Variants in RAB3B observed in about 807,000 individuals in gnomAD.
The protein encoded by RAB3B is RAB3B, member RAS oncogene family.
Under a neutral mutation model 20.5 loss-of-function variants are expected in RAB3B, and 11 were observed. The ratio of observed to expected loss-of-function variants is 0.54; its 90% CI spans 0.34 to 0.89. The LOEUF (loss-of-function observed/expected upper bound fraction) is 0.89, where lower values mean the gene tolerates loss of function less well. Ranked by LOEUF, RAB3B falls within the 40% of genes least tolerant of loss-of-function variation. The probability of loss-of-function intolerance (pLI) is 0.02; values close to 1 mark genes in which losing one functional copy is unlikely to be tolerated. For missense variants in RAB3B, 225 were observed against 280.9 expected (o/e 0.80, Z 1.42); for synonymous variants, 99 against 106.3 (o/e 0.93, Z 0.42).
chr1:51,952,545 T>G (rs1684655026), intron 2 of RAB3B, among the ~76,000 whole-genome samples: 1 of 152,186 alleles, frequency 6.6e-6, no homozygotes, highest in Non-Finnish European at 1.5e-5. Context: ...CACTCTCACC[T>G]ATATCTCTCA....
intron 2 of RAB3B, among the ~76,000 whole-genome samples, chr1:51,968,845 T>A (rs1684890675): frequency 6.6e-6 from 1 of 152,224 alleles, no homozygotes; most frequent in African/African-American, 2.4e-5. Context: ...GACCTTGTTC[T>A]CAGTTCCTGT....
intron 2 of RAB3B, among the ~76,000 whole-genome samples, chr1:51,968,614 C>T (rs1417053471): frequency 6.6e-6 from 1 of 152,222 alleles, no homozygotes; most frequent in Non-Finnish European, 1.5e-5. Context: ...GATTACCTTT[C>T]CCACATTCCT....
In RAB3B at chr1:51,976,975, G is replaced by A. The variant is rs1199548768; in HGVS notation, c.143C>T (p.Thr48Ile). 15 of 1,614,210 alleles carry A rather than the reference G, an allele frequency of 9.3e-6. No homozygotes were observed. Among genetic ancestry groups the A allele is most frequent in the Non-Finnish European group, 1.3e-5 (15 of 1,180,044 alleles). ...GCCCACGGTGCTAACGAAGGCTGGG[G>A]TGAACGTGTCATCAGCATAGCGGAA... ...FLFRYADDTFTPAFVSTVGID... is the reference protein window; with the variant it reads ...FLFRYADDTFIPAFVSTVGID... The change falls in exon 2 of 5, where the codon ACC (threonine) becomes ATC (isoleucine). Residue 48 changes from threonine (T) to isoleucine (I), a missense_variant. By Grantham distance (89) the Thr-to-Ile change is moderately conservative. Transcript: ENST00000371655.
rs1429059376 is a variant in RAB3B, at chr1:51,919,650, C to G, written c.*277G>C. On this transcript the variant is annotated 3_prime_UTR_variant, in exon 5 of 5. Transcript: ENST00000371655. ...CAGAAAAGAGACTGTTCTCTAAGTC[C>G]CTGTAGTGAATCCCCTTCGTAAAAC... 6.0e-6 allele frequency: 2 copies of G among 334,710 alleles called. No homozygotes were observed. The highest frequency in any genetic ancestry group is 1.1e-5 in the Non-Finnish European group (2 of 183,750). The allele number at this position is 334,710 out of a possible 1,614,324, so 20.7% of individuals were successfully genotyped here.
intron 2 of RAB3B, among the ~76,000 whole-genome samples, chr1:51,960,578 T>C (rs1684771822): frequency 6.6e-6 from 1 of 152,118 alleles, no homozygotes. Context: ...GAAGGGATTA[T>C]AAATCCTCAG....
At chr1:51,984,300 A>T (rs1685125769) in intron 1 of RAB3B, among the ~76,000 whole-genome samples, 1 of 131,214 alleles carries the variant, frequency 7.6e-6, no homozygotes, top group Non-Finnish European at 1.6e-5. Context: ...AAAAAAAAGC[A>T]TGAACGAGAC....
At chr1:51,954,290 CTTATG>C (rs1244449530) in intron 2 of RAB3B, among the ~76,000 whole-genome samples, 1 of 152,168 alleles carries the variant, frequency 6.6e-6, no homozygotes, top group Non-Finnish European at 1.5e-5. Flanking sequence ...GTTAGCTACG[CTTATG>C]TTATAATGCT....
intron 4 of RAB3B, among the ~76,000 whole-genome samples, chr1:51,923,762 T>C (rs1486381600): frequency 6.7e-6 from 1 of 149,740 alleles, no homozygotes; most frequent in African/African-American, 2.5e-5. Context: ...GGCTAGGTGC[T>C]AGTGGCTCAA....
intron 2 of RAB3B, among the ~76,000 whole-genome samples, chr1:51,939,105 A>G (rs528539269): frequency 5.9e-5 from 9 of 152,248 alleles, no homozygotes; most frequent in Non-Finnish European, 1.3e-4. Flanking sequence ...ACACGTAAGC[A>G]AGCAACAAAG....
chr1:51,916,071 T>C lies in RAB3B; in HGVS notation c.*3856A>G, dbSNP rs1166048891. The stretch of plus-strand genomic sequence containing the variant: ...AGGACAAGTTGCCACTAACACATAT[T>C]ACACAGCTTGAACCTTGGTGGCTAA... On this transcript the variant is annotated 3_prime_UTR_variant, in exon 5 of 5. Transcript: ENST00000371655. 6.6e-6 allele frequency: 1 copy of C among 152,244 alleles called. No homozygotes were observed. Among genetic ancestry groups the C allele is most frequent in the Non-Finnish European group, 1.5e-5 (1 of 68,044 alleles). The allele number at this position is 152,244 out of a possible 1,614,324, so 9.4% of individuals were successfully genotyped here. A position where few individuals can be genotyped will look rare whatever the true frequency, so the allele number is the denominator to read the frequency against.
rs1683967571 is a variant in RAB3B, at chr1:51,909,455, A to C, written c.*10472T>G. Reference sequence around the variant, plus strand: ...AAGATCACACAGTTAGTATGCTGCAAAGTCAGGACTCAAACCCAGGTCTCT... The same window carrying C: ...AAGATCACACAGTTAGTATGCTGCACAGTCAGGACTCAAACCCAGGTCTCT... On this transcript the variant is annotated 3_prime_UTR_variant, in exon 5 of 5. Transcript: ENST00000371655. The C allele has an allele frequency of 6.6e-6, 1 of 152,166 alleles. No individual in the cohort carries two copies. The highest frequency in any genetic ancestry group is 2.4e-5 in the African/African-American group (1 of 41,436). The allele number at this position is 152,166 out of a possible 1,614,324, so 9.4% of individuals were successfully genotyped here.
chr1:51,969,273 G>A lies in RAB3B; in HGVS notation c.228+7617C>T, dbSNP rs188499403. Among the ~76,000 whole-genome samples, 34 of 152,116 alleles carry A rather than the reference G, an allele frequency of 2.2e-4. 1 individual carries two copies. In the East Asian group the frequency reaches 6.2e-3, roughly 28 times the overall value. Reference sequence around the variant, plus strand: ...GAGCATACCACTGCACTCCAGCCTCGGACACCCTGTCTCAACATTAAATAC... The same window carrying A: ...GAGCATACCACTGCACTCCAGCCTCAGACACCCTGTCTCAACATTAAATAC... On this transcript the variant is annotated intron_variant, in intron 2 of 4. Coordinates refer to ENST00000371655, the MANE Select transcript of RAB3B (RefSeq NM_002867.4).
At chr1:51,978,727 G>A (rs943712594) in intron 1 of RAB3B, among the ~76,000 whole-genome samples, 3 of 152,212 alleles carry the variant, frequency 2.0e-5, no homozygotes. Flanking sequence ...TCAGAGGAGG[G>A]TGGGAGGACA....
At chr1:51,985,689 C>T (rs1455780238) in intron 1 of RAB3B, among the ~76,000 whole-genome samples, 1 of 152,088 alleles carries the variant, frequency 6.6e-6, no homozygotes, top group African/African-American at 2.4e-5. Context: ...AAGTATGTTT[C>T]ATACACTGTG....
At chr1:51,928,877 G>GT (rs1400763677) in intron 4 of RAB3B, among the ~76,000 whole-genome samples, 2 of 152,096 alleles carry the variant, frequency 1.3e-5, no homozygotes, top group African/African-American at 4.8e-5. Context: ...TCATCCTTTT[G>GT]TTCTCACCTT....
chr1:51,988,656 G>C (rs984724772), intron 1 of RAB3B, among the ~76,000 whole-genome samples: 1 of 152,146 alleles, frequency 6.6e-6, no homozygotes, highest in Admixed American at 6.5e-5. Context: ...TGAGGCAGGA[G>C]CACCAATTAT....
rs1307140622 is a variant in RAB3B at position 51,910,311 on chromosome 1, C to T, written c.*9616G>A. The stretch of plus-strand genomic sequence containing the variant: ...ATCTTGCCCAGCTCAGCCTGGCACA[C>T]ACGGGTCCATAAATTAAGTCCTCCT... On this transcript the variant is annotated 3_prime_UTR_variant, in exon 5 of 5. Transcript: ENST00000371655. 2 of 152,296 alleles carry T rather than the reference C, an allele frequency of 1.3e-5. No homozygotes were observed. The highest frequency in any genetic ancestry group is 3.4e-3 in the Middle Eastern group (1 of 294). The allele number at this position is 152,296 out of a possible 1,614,324, so 9.4% of individuals were successfully genotyped here. A position where few individuals can be genotyped will look rare whatever the true frequency, so the allele number is the denominator to read the frequency against.
chr1:51,951,474 T>C (rs968329141), intron 2 of RAB3B, among the ~76,000 whole-genome samples: 2 of 152,202 alleles, frequency 1.3e-5, no homozygotes, highest in African/African-American at 2.4e-5. Flanking sequence ...TGACTCTACA[T>C]CCAGTGCTCT....
rs995247065 is a variant in RAB3B at position 51,915,107 on chromosome 1, C to T, written c.*4820G>A. ...AAAATTTGAAAGAGCATGAGTCAGA[C>T]AGAGGAGGGTTCAAATGATGCTAGT... On this transcript the variant is annotated 3_prime_UTR_variant, in exon 5 of 5. Coordinates refer to ENST00000371655, the MANE Select transcript of RAB3B (RefSeq NM_002867.4). The T allele has an allele frequency of 1.3e-5, 2 of 152,178 alleles. No individual in the cohort carries two copies. The highest frequency in any genetic ancestry group is 1.3e-4 in the Admixed American group (2 of 15,264). 9.4% of individuals were successfully genotyped at this position (152,178 alleles called of 1,614,324 possible).
Sources: gnomAD v4.1 joint callset for allele counts (sites outside exome capture counted in the v4.1 genomes callset) on GRCh38, gnomAD v4.1.1 for gene constraint, MANE v1.5 for transcripts, NCBI Gene and HGNC (gene_info 2026-07-23, HGNC 2026-07-21) for gene names.